LOXL2: variants seen among roughly 807,000 people sequenced by gnomAD.
LOXL2 encodes lysyl oxidase homolog 2.
LOXL2 carries 70 observed loss-of-function variants against 93.0 expected under a neutral mutation model. That is an observed-to-expected ratio of 0.75 (90% confidence interval 0.62 to 0.92). The LOEUF (loss-of-function observed/expected upper bound fraction) is 0.92. Ranked by LOEUF, LOXL2 falls within the 40% of genes least tolerant of loss-of-function variation. LOXL2 has a pLI of 0.00. For synonymous variants in LOXL2, 438 were observed against 413.2 expected, an observed-to-expected ratio of 1.06 and a Z score of -0.73; for missense variants, 973 against 1,054.9, an observed-to-expected ratio of 0.92 and a Z score of 1.08.
intron 1 of LOXL2, among the ~76,000 whole-genome samples, chr8:23,380,133 G>A (rs1043714899): frequency 1.1e-4 from 17 of 152,204 alleles, no homozygotes; most frequent in African/African-American, 3.1e-4. Flanking sequence ...GCTGGCTTAC[G>A]CCTGTAATCC....
At chr8:23,359,321 G>T (rs1299247042) in intron 3 of LOXL2, among the ~76,000 whole-genome samples, 1 of 152,148 alleles carries the variant, frequency 6.6e-6, no homozygotes, top group Non-Finnish European at 1.5e-5. Context: ...AGAAATGATG[G>T]CCTATCACTT....
chr8:23,369,800 G>A (rs1259831953), intron 1 of LOXL2, among the ~76,000 whole-genome samples: 1 of 152,068 alleles, frequency 6.6e-6, no homozygotes, highest in Non-Finnish European at 1.5e-5. Context: ...CCTGACCAAC[G>A]GACCAACGCA....
intron 1 of LOXL2, among the ~76,000 whole-genome samples, chr8:23,385,316 G>A (rs182830523): frequency 6.8e-6 from 1 of 147,016 alleles, no homozygotes; most frequent in East Asian, 2.0e-4. Context: ...GTGTGATCTC[G>A]GCCTACTGCA....
intron 6 of LOXL2, among the ~76,000 whole-genome samples, chr8:23,326,975 C>G (rs909807271): frequency 9.9e-5 from 15 of 152,242 alleles, no homozygotes; most frequent in African/African-American, 3.6e-4. Context: ...AAGCCCTTGT[C>G]TGAGAGTTAG....
At chr8:23,328,646 CCTG>C in intron 5 of LOXL2, 81 bp from the exon 6 acceptor site, 1 of 1,366,358 alleles carries the variant, frequency 7.3e-7, no homozygotes, top group African/African-American at 1.4e-5. Context: ...CCCTCCCTTC[CCTG>C]CCACCCTGTT....
At position 23,334,942 on chromosome 8, in the gene LOXL2, G is replaced by T. The variant is rs189170484; in HGVS notation, c.744-1319C>A. Among the ~76,000 whole-genome samples, 17 of 151,416 alleles carry T rather than the reference G, an allele frequency of 1.1e-4. No homozygotes were observed. In the East Asian group the frequency reaches 2.9e-3, roughly 26 times the overall value. On this transcript the variant is annotated intron_variant, in intron 4 of 13. Transcript: ENST00000389131. ...AGGAATTCTCCTGCTTCAGCCTCCC[G>T]TGTAGCTGGGATTACAGGTACCTGC...
At chr8:23,402,661 C>T (rs1457714978) in intron 1 of LOXL2, 1 of 151,994 alleles carries the variant, frequency 6.6e-6, no homozygotes, top group Non-Finnish European at 1.5e-5. Flanking sequence ...TTTGGGGTTC[C>T]AGGACGGACA....
chr8:23,364,445 T>C (rs535207060), intron 2 of LOXL2: 2 of 152,266 alleles, frequency 1.3e-5, no homozygotes, highest in South Asian at 2.1e-4. Flanking sequence ...TAAATATATA[T>C]ATACAAGTTA....
chr8:23,332,812 CCCCACTCATACACA>C (rs1210354819), intron 5 of LOXL2, among the ~76,000 whole-genome samples: 2 of 78,430 alleles, frequency 2.6e-5, no homozygotes, highest in African/African-American at 1.1e-4. Flanking sequence ...ACTCATACAC[CCCCACTCATACACA>C]CCCACACACT....
intron 2 of LOXL2, chr8:23,365,095 G>A (rs539282461): frequency 6.6e-6 from 1 of 152,336 alleles, no homozygotes; most frequent in South Asian, 2.1e-4. Context: ...GATGCTTTGG[G>A]AGAACAGTCT....
intron 8 of LOXL2, among the ~76,000 whole-genome samples, chr8:23,318,690 C>T (rs188062239): frequency 1.5e-3 from 233 of 152,302 alleles, no homozygotes; most frequent in African/African-American, 5.4e-3. Flanking sequence ...TTGAAGACTC[C>T]CTTGAAATGT....
chr8:23,302,850 G>A (rs187558264), intron 11 of LOXL2, among the ~76,000 whole-genome samples: 28 of 146,840 alleles, frequency 1.9e-4, no homozygotes, highest in East Asian at 7.8e-4. Context: ...CTGCCGGGAC[G>A]GGGGGGCGCT....
chr8:23,353,485 T>C, intron 3 of LOXL2, among the ~76,000 whole-genome samples: 1 of 152,242 alleles, frequency 6.6e-6, no homozygotes, highest in South Asian at 2.1e-4. Context: ...GGTCAGTGAC[T>C]GGACATAACA....
chr8:23,361,191 G>A (rs755930852), intron 2 of LOXL2, among the ~76,000 whole-genome samples: 30 of 151,944 alleles, frequency 2.0e-4, no homozygotes, highest in East Asian at 1.9e-4. Flanking sequence ...GAGGCACTGC[G>A]CCCGGCCTGG....
intron 6 of LOXL2, among the ~76,000 whole-genome samples, chr8:23,322,488 A>G (rs1803512203): frequency 1.3e-5 from 2 of 152,176 alleles, no homozygotes. Flanking sequence ...CCCAAGAGCA[A>G]ATAAAGTTTG....
intron 1 of LOXL2, among the ~76,000 whole-genome samples, chr8:23,385,542 G>A (rs899917408): frequency 1.3e-5 from 2 of 151,912 alleles, no homozygotes; most frequent in Non-Finnish European, 2.9e-5. Flanking sequence ...TTACAGGCAT[G>A]AGCCACTACA....
At chr8:23,317,421 C>T (rs547447364) in intron 8 of LOXL2, among the ~76,000 whole-genome samples, 1 of 152,218 alleles carries the variant, frequency 6.6e-6, no homozygotes, top group Non-Finnish European at 1.5e-5. Flanking sequence ...ACTCAGGTTG[C>T]CCACTCCCCA....
chr8:23,354,030 A>G (rs996343258), intron 3 of LOXL2, among the ~76,000 whole-genome samples: 10 of 152,210 alleles, frequency 6.6e-5, no homozygotes, highest in African/African-American at 2.4e-4. Context: ...CAGCTGTAGG[A>G]GTCCAGGGAA....
chr8:23,328,708 G>GCTGTGTGTGT, intron 5 of LOXL2, 143 bp from the exon 6 acceptor site: 1 of 422,720 alleles, frequency 2.4e-6, no homozygotes. Context: ...TTGATGTATG[G>GCTGTGTGTGT]ATGTGTGTGT....
Sources: gnomAD v4.1 joint callset for allele counts (sites outside exome capture counted in the v4.1 genomes callset) on GRCh38, gnomAD v4.1.1 for gene constraint, MANE v1.5 for transcripts, NCBI Gene and HGNC (gene_info 2026-07-23, HGNC 2026-07-21) for gene names.